The following LRRC2 variants were observed in gnomAD, a reference collection of about 807,000 sequenced individuals.
LRRC2 encodes the protein leucine rich repeat containing 2, also known as leucine-rich repeat-containing protein 2.
A neutral mutation model predicts 40.2 loss-of-function variants in LRRC2; 27 were observed. That is an observed-to-expected ratio of 0.67 (90% CI 0.49 to 0.93). LRRC2 has a LOEUF of 0.93. LRRC2 is among the 40% of genes least tolerant of loss of function. The probability of loss-of-function intolerance (pLI) is 0.00; values close to 1 mark genes in which losing one functional copy is unlikely to be tolerated. For synonymous variants in LRRC2, 147 were observed against 158.9 expected (o/e 0.92, Z 0.56); for missense variants, 402 against 439.6 (o/e 0.91, Z 0.76).
chr3:46,519,124 C>T lies in LRRC2; in HGVS notation c.1067-61G>A, dbSNP rs374032765. The T allele has an allele frequency of 5.1e-5, 57 of 1,124,758 alleles. 1 individual carries two copies. The African/African-American group carries it at 6.4e-4, about 13-fold the overall frequency. The allele number at this position is 1,124,758 out of a possible 1,614,324, so 69.7% of individuals were successfully genotyped here. Reference sequence around the variant, plus strand: ...ACCATTTTATTATGAAATCTAGCTACGTGCTATGACATACATAATGAATGT... The same window carrying T: ...ACCATTTTATTATGAAATCTAGCTATGTGCTATGACATACATAATGAATGT... On this transcript the variant is annotated intron_variant, in intron 8 of 8. Coordinates refer to ENST00000395905, the MANE Select transcript of LRRC2 (RefSeq NM_024512.5).
chr3:46,543,351 T>A (rs2107020483), intron 3 of LRRC2, among the ~76,000 whole-genome samples: 1 of 152,226 alleles, frequency 6.6e-6, no homozygotes, highest in South Asian at 2.1e-4. Flanking sequence ...GTGCAGTGAC[T>A]CACGCCTGTA....
chr3:46,545,852 C>T lies in LRRC2; in HGVS notation c.126-599G>A, dbSNP rs917815157. ...CCATGATGACAGCTAGTGTGTCTCA[C>T]AGCCCTTCAGATGCCCACACAGCTG... On this transcript the variant is annotated intron_variant, in intron 2 of 8. Coordinates refer to ENST00000395905, the MANE Select transcript of LRRC2 (RefSeq NM_024512.5). Among the ~76,000 whole-genome samples the T allele has an allele frequency of 4.6e-5, 7 of 152,370 alleles. No individual in the cohort carries two copies. The South Asian group carries it at 1.5e-3, about 32-fold the overall frequency.
chr3:46,526,798 C>T (rs1473043042), intron 7 of LRRC2, among the ~76,000 whole-genome samples: 1 of 152,218 alleles, frequency 6.6e-6, no homozygotes, highest in African/African-American at 2.4e-5. Context: ...CTTAATAGAG[C>T]AGCCTCGTGT....
At chr3:46,540,246 C>T (rs1442111458) in intron 3 of LRRC2, among the ~76,000 whole-genome samples, 2 of 152,180 alleles carry the variant, frequency 1.3e-5, no homozygotes, top group African/African-American at 4.8e-5. Flanking sequence ...CAAAGTGGGC[C>T]GGGCACAGTG....
intron 4 of LRRC2, among the ~76,000 whole-genome samples, chr3:46,538,682 T>G (rs1023967898): frequency 6.6e-6 from 1 of 152,136 alleles, no homozygotes; most frequent in Non-Finnish European, 1.5e-5. Context: ...GATTTATCAA[T>G]GGACTAATGT....
In LRRC2 at chr3:46,516,804, T is replaced by A. The variant is rs986999009; in HGVS notation, c.*2210A>T. 6.6e-6 allele frequency: 1 copy of A among 152,152 alleles called. No individual in the cohort carries two copies. The highest frequency in any genetic ancestry group is 2.4e-5 in the African/African-American group (1 of 41,398). 9.4% of individuals were successfully genotyped at this position (152,152 alleles called of 1,614,324 possible). ...TCCTTACATCTTCATGTGAACTCCATCCCCCAACCCCCTCGCTGGGGACAT... is the reference window on the plus strand; with the variant it reads ...TCCTTACATCTTCATGTGAACTCCAACCCCCAACCCCCTCGCTGGGGACAT... On this transcript the variant is annotated 3_prime_UTR_variant, in exon 9 of 9. Transcript: ENST00000395905.
intron 4 of LRRC2, among the ~76,000 whole-genome samples, chr3:46,534,460 C>G (rs574049854): frequency 1.4e-5 from 2 of 144,002 alleles, no homozygotes; most frequent in Non-Finnish European, 3.0e-5. Context: ...TTCTTTCTTT[C>G]TTTCTTTCTT....
Position 46,545,105 on chromosome 3 carries a change from T to G in LRRC2, c.274A>C (p.Lys92Gln). The change falls in exon 3 of 9, where the codon AAG becomes CAG. Residue 92 changes from lysine to glutamine, a missense_variant. Transcript: ENST00000395905. ...NTLTRQSSLP[K>Q]DRGKRSSAFV... ...GCACTGCTCCGTTTGCCTCTGTCCTTGGGAAGTGAACTCTGCCTTGTGAGA... is the reference window on the plus strand; with the variant it reads ...GCACTGCTCCGTTTGCCTCTGTCCTGGGGAAGTGAACTCTGCCTTGTGAGA... 1 of 1,614,074 alleles carries G rather than the reference T, an allele frequency of 6.2e-7. No homozygotes were observed.
chr3:46,551,027 C>T (rs34767161), intron 2 of LRRC2: 12,330 of 153,298 alleles, frequency 0.08, 574 homozygotes, highest in South Asian at 0.17. Context: ...CAAGTAAAAA[C>T]GACACCAACA....
chr3:46,559,056 GA>G (rs1457701442), intron 1 of LRRC2: 2 of 152,216 alleles, frequency 1.3e-5, no homozygotes, highest in Admixed American at 1.3e-4. Flanking sequence ...CAAAATCACT[GA>G]AAGGGTAAAT....
chr3:46,540,254 G>T (rs1391266508), intron 3 of LRRC2, among the ~76,000 whole-genome samples: 2 of 152,228 alleles, frequency 1.3e-5, no homozygotes, highest in Admixed American at 1.3e-4. Context: ...GCCGGGCACA[G>T]TGGCTCACGC....
intron 2 of LRRC2, among the ~76,000 whole-genome samples, chr3:46,546,318 G>A (rs906799094): frequency 6.6e-6 from 1 of 152,226 alleles, no homozygotes; most frequent in Non-Finnish European, 1.5e-5. Context: ...CTGTAGGGTG[G>A]CACTGTGGGG....
intron 1 of LRRC2, among the ~76,000 whole-genome samples, chr3:46,552,626 C>G (rs1704685789): frequency 6.6e-6 from 1 of 152,136 alleles, no homozygotes; most frequent in Non-Finnish European, 1.5e-5. Flanking sequence ...CATTTCTGTT[C>G]TCCAGGGTAG....
intron 7 of LRRC2, among the ~76,000 whole-genome samples, chr3:46,524,663 T>G (rs564324716): frequency 4.6e-5 from 7 of 152,350 alleles, no homozygotes; most frequent in African/African-American, 1.7e-4. Context: ...TTTAATAGGC[T>G]GTTATAAAGG....
chr3:46,534,446 TTC>T (rs1704234708), intron 4 of LRRC2, among the ~76,000 whole-genome samples: 2 of 151,160 alleles, frequency 1.3e-5, no homozygotes, highest in African/African-American at 4.9e-5. Flanking sequence ...CTTTCTTTCT[TTC>T]TTTCTTTCTT....
chr3:46,522,773 ACACACACACACACAC>A (rs1703988872), intron 7 of LRRC2, among the ~76,000 whole-genome samples: 2 of 36,618 alleles, frequency 5.5e-5, no homozygotes, highest in Non-Finnish European at 1.5e-4. Context: ...ACACACACAC[ACACACACACACACAC>A]ACACACACAC....
At position 46,532,766 on chromosome 3, in the gene LRRC2, C is replaced by T. The variant is rs9849400; in HGVS notation, c.627+7G>A. On this transcript the variant is annotated splice_region_variant and intron_variant, in intron 5 of 8. Transcript: ENST00000395905. The stretch of plus-strand genomic sequence containing the variant: ...TGAATCGTAGTACAGAAATGTTTAT[C>T]TCTTACTTCAAAGGGCAGCTCCATT... 0.35 allele frequency: 557,389 copies of T among 1,609,528 alleles called. 98,511 individuals are homozygous for T. The highest frequency in any genetic ancestry group is 0.46 in the South Asian group (41,310 of 90,698).
At chr3:46,536,847 G>T (rs1204905146) in intron 4 of LRRC2, among the ~76,000 whole-genome samples, 1 of 152,186 alleles carries the variant, frequency 6.6e-6, no homozygotes, top group African/African-American at 2.4e-5. Flanking sequence ...AATCTGGCTG[G>T]CAATAATTTC....
chr3:46,559,429 A>T (rs1026163715), intron 1 of LRRC2: 1 of 152,194 alleles, frequency 6.6e-6, no homozygotes, highest in Non-Finnish European at 1.5e-5. Context: ...AGCTGGAAGA[A>T]TTACTCCCTA....
Sources: gnomAD v4.1 joint callset for allele counts (sites outside exome capture counted in the v4.1 genomes callset) on GRCh38, gnomAD v4.1.1 for gene constraint, MANE v1.5 for transcripts, NCBI Gene and HGNC (gene_info 2026-07-23, HGNC 2026-07-21) for gene names.